The following MISP3 variants were observed in gnomAD, a reference collection of about 807,000 sequenced individuals.
The protein encoded by MISP3 is MISP family member 3.
In MISP3, 9 loss-of-function variants were observed where a neutral mutation model predicts 5.5. The ratio of observed to expected loss-of-function variants is 1.65; its 90% CI spans 0.99 to 2.87. MISP3 has a LOEUF of 2.87. MISP3 is among the 30% of genes most tolerant of loss of function. The probability of loss-of-function intolerance (pLI) is 0.00; values close to 1 mark genes in which losing one functional copy is unlikely to be tolerated. For synonymous variants in MISP3, 87 were observed against 38.1 expected (o/e 2.28, Z -4.73); for missense variants, 152 against 84.1 (o/e 1.81, Z -3.16).
In MISP3 at chr19:14,074,505, C is replaced by T. The variant is rs1269673217; in HGVS notation, c.642+42C>T. The T allele has an allele frequency of 4.3e-6, 3 of 690,054 alleles. No homozygotes were observed. In the South Asian group the frequency reaches 4.5e-5, roughly 10 times the overall value. 42.7% of individuals were successfully genotyped at this position (690,054 alleles called of 1,614,324 possible). ...CCGTGTGCCTCTAGCGCTTGTCGGT[C>T]CCCCCACCCCTCCGGTGCCAGGACG... On this transcript the variant is annotated intron_variant, in intron 2 of 2. Transcript: ENST00000587086. This position sits in a 1 kb window ranked among gnomAD's most constrained non-coding sequence, Gnocchi z 4.4.
rs1976659347 is a variant in MISP3 at position 14,074,638 on chromosome 19, C to A, written c.643-68C>A. On this transcript the variant is annotated intron_variant, in intron 2 of 2. Coordinates refer to ENST00000587086, the MANE Select transcript of MISP3 (RefSeq NM_001291291.2). The surrounding 1 kb of genome is among the most constrained non-coding windows in gnomAD (Gnocchi z 4.4). ...GACGGTGGTCTTGAGGCCCAAACCGCCACCCCGAGCCTGGATGCAGTGCGC... is the reference window on the plus strand; with the variant it reads ...GACGGTGGTCTTGAGGCCCAAACCGACACCCCGAGCCTGGATGCAGTGCGC... The A allele has an allele frequency of 1.4e-6, 1 of 695,490 alleles. No individual in the cohort carries two copies. The highest frequency in any genetic ancestry group is 1.7e-5 in the African/African-American group (1 of 57,200). 43.1% of individuals were successfully genotyped at this position (695,490 alleles called of 1,614,324 possible).
chr19:14,074,502 G>C lies in MISP3; in HGVS notation c.642+39G>C. The C allele has an allele frequency of 1.4e-6, 1 of 694,310 alleles. No homozygotes were observed. Among genetic ancestry groups the C allele is most frequent in the Non-Finnish European group, 2.6e-6 (1 of 379,882 alleles). 43.0% of individuals were successfully genotyped at this position (694,310 alleles called of 1,614,324 possible). A position where few individuals can be genotyped will look rare whatever the true frequency, so the allele number is the denominator to read the frequency against. ...TACCCGTGTGCCTCTAGCGCTTGTC[G>C]GTCCCCCCACCCCTCCGGTGCCAGG... On this transcript the variant is annotated intron_variant, in intron 2 of 2. Transcript: ENST00000587086. This position sits in a 1 kb window ranked among gnomAD's most constrained non-coding sequence, Gnocchi z 4.4.
chr19:14,073,995 T>C lies in MISP3; in HGVS notation c.568+118T>C. 1 of 620,720 alleles carries C rather than the reference T, an allele frequency of 1.6e-6. No homozygotes were observed. Among genetic ancestry groups the C allele is most frequent in the South Asian group, 1.8e-5 (1 of 55,770 alleles). 38.5% of individuals were successfully genotyped at this position (620,720 alleles called of 1,614,324 possible). A position where few individuals can be genotyped will look rare whatever the true frequency, so the allele number is the denominator to read the frequency against. On this transcript the variant is annotated intron_variant, in intron 1 of 2. Coordinates refer to ENST00000587086, the MANE Select transcript of MISP3 (RefSeq NM_001291291.2). The surrounding 1 kb of genome is among the most constrained non-coding windows in gnomAD (Gnocchi z 8.5). ...ATTCTCGGGGTCTCTCCCTCCAAGC[T>C]CCCAGACCCCCTCTCAATTTTGTCT...
Position 14,074,796 on chromosome 19 carries a change from A to G in MISP3, c.*73A>G. On this transcript the variant is annotated 3_prime_UTR_variant, in exon 3 of 3. Coordinates refer to ENST00000587086, the MANE Select transcript of MISP3 (RefSeq NM_001291291.2). The surrounding 1 kb of genome is among the most constrained non-coding windows in gnomAD (Gnocchi z 4.4). ...AGGAACAGGGCGGGGGGCGTCTAGC[A>G]TTAGGCCTGGAGAAGGGTCGGCTCT... 1 of 687,478 alleles carries G rather than the reference A, an allele frequency of 1.5e-6. No individual in the cohort carries two copies. Among genetic ancestry groups the G allele is most frequent in the Non-Finnish European group, 2.7e-6 (1 of 372,016 alleles). 42.6% of individuals were successfully genotyped at this position (687,478 alleles called of 1,614,324 possible).
chr19:14,073,980 T>G lies in MISP3; in HGVS notation c.568+103T>G, dbSNP rs1599317583. The G allele has an allele frequency of 1.6e-6, 1 of 638,926 alleles. No individual in the cohort carries two copies. The highest frequency in any genetic ancestry group is 2.8e-5 in the East Asian group (1 of 35,718). The allele number at this position is 638,926 out of a possible 1,614,324, so 39.6% of individuals were successfully genotyped here. ...TCCTGTGGCCCTCCGATTCTCGGGG[T>G]CTCTCCCTCCAAGCTCCCAGACCCC... is the stretch of plus-strand genomic sequence containing the variant. On this transcript the variant is annotated intron_variant, in intron 1 of 2. Coordinates refer to ENST00000587086, the MANE Select transcript of MISP3 (RefSeq NM_001291291.2). The surrounding 1 kb of genome is among the most constrained non-coding windows in gnomAD (Gnocchi z 8.5).
chr19:14,073,556 G>C lies in MISP3; in HGVS notation c.247G>C (p.Ala83Pro), dbSNP rs1976626182. 1 of 246,396 alleles carries C rather than the reference G, an allele frequency of 4.1e-6. No individual in the cohort carries two copies. The highest frequency in any genetic ancestry group is 1.5e-4 in the South Asian group (1 of 6,546). The allele number at this position is 246,396 out of a possible 1,614,324, so 15.3% of individuals were successfully genotyped here. A position where few individuals can be genotyped will look rare whatever the true frequency, so the allele number is the denominator to read the frequency against. The change falls in exon 1 of 3, where the codon GCG becomes CCG. Residue 83 changes from alanine to proline, a missense_variant. Physicochemically the swap from Ala to Pro is conservative, Grantham distance 27 (BLOSUM62 -1). Transcript: ENST00000587086. This position sits in a 1 kb window ranked among gnomAD's most constrained non-coding sequence, Gnocchi z 8.5. ...CCGGCAGGCGGCGCTGGCGCGCCCC[G>C]CGGTCCCCGAGCCGCGCGCCCGGTC... ...AHRQAALARPAVPEPRARSPP... is the reference protein window; with the variant it reads ...AHRQAALARPPVPEPRARSPP...
Position 14,074,911 on chromosome 19 carries a change from A to T in MISP3, c.*188A>T, listed in dbSNP as rs1599318138. ...ACAGTCCCCCATTGGGAAACTGACC[A>T]CCACCCACAACTCCGCCAGTGAAAC... On this transcript the variant is annotated 3_prime_UTR_variant, in exon 3 of 3. Coordinates refer to ENST00000587086, the MANE Select transcript of MISP3 (RefSeq NM_001291291.2). This position sits in a 1 kb window ranked among gnomAD's most constrained non-coding sequence, Gnocchi z 4.4. 1 of 593,868 alleles carries T rather than the reference A, an allele frequency of 1.7e-6. No individual in the cohort carries two copies. Among genetic ancestry groups the T allele is most frequent in the African/African-American group, 1.8e-5 (1 of 54,274 alleles). 36.8% of individuals were successfully genotyped at this position (593,868 alleles called of 1,614,324 possible).
rs1365081692 is a variant in MISP3 at position 14,073,390 on chromosome 19, G to A, written c.81G>A (p.Pro27=). The change falls in exon 1 of 3, where the codon CCG becomes CCA. Residue 27 remains proline (P), a synonymous_variant. Coordinates refer to ENST00000587086, the MANE Select transcript of MISP3 (RefSeq NM_001291291.2). This position sits in a 1 kb window ranked among gnomAD's most constrained non-coding sequence, Gnocchi z 8.5. ...TGCGCCGGAGCCGGGGCCTGAGCCC[G>A]GGCCGCGCAGGCCGTGAACTCGTCG... ...ESLRRSRGLS[P]GRAGRELVEL... is the part of the protein sequence containing the mutation. 8.7e-6 allele frequency: 6 copies of A among 693,100 alleles called. No individual in the cohort carries two copies. The highest frequency in any genetic ancestry group is 4.5e-5 in the South Asian group (3 of 67,314). 42.9% of individuals were successfully genotyped at this position (693,100 alleles called of 1,614,324 possible). A position where few individuals can be genotyped will look rare whatever the true frequency, so the allele number is the denominator to read the frequency against.
At position 14,074,440 on chromosome 19, in the gene MISP3, G is replaced by T. The variant is rs572407856; in HGVS notation, c.619G>T (p.Val207Phe). Reference protein sequence around the residue: ...LVVIWPPRRKVSENGLEQEER... With the variant: ...LVVIWPPRRKFSENGLEQEER... ...GGTGATCTGGCCCCCCCGCAGAAAG[G>T]TCTCGGAGAACGGCCTGGAGCAGGT... The change falls in exon 2 of 3, where the codon GTC becomes TTC. Residue 207 changes from valine to phenylalanine, a missense_variant. Coordinates refer to ENST00000587086, the MANE Select transcript of MISP3 (RefSeq NM_001291291.2). The surrounding 1 kb of genome is among the most constrained non-coding windows in gnomAD (Gnocchi z 4.4). 4 of 702,840 alleles carry T rather than the reference G, an allele frequency of 5.7e-6. No homozygotes were observed. In the South Asian group the frequency reaches 5.9e-5, roughly 10 times the overall value. 43.5% of individuals were successfully genotyped at this position (702,840 alleles called of 1,614,324 possible).
rs1419304851 is a variant in MISP3, at chr19:14,072,961, AGT to A, written c.-348_-347del. On this transcript the variant is annotated 5_prime_UTR_variant, in exon 1 of 3. Coordinates refer to ENST00000587086, the MANE Select transcript of MISP3 (RefSeq NM_001291291.2). The surrounding 1 kb of genome is among the most constrained non-coding windows in gnomAD (Gnocchi z 6.8). ...GGGTCGTCTGAAGAGGAGGGCCAGG[AGT>A]CCCCAGGGCCAGACAGCGAAGCCCC... 1 of 473,442 alleles carries A rather than the reference AGT, an allele frequency of 2.1e-6. No individual in the cohort carries two copies. The highest frequency in any genetic ancestry group is 2.3e-5 in the Admixed American group (1 of 42,986). 29.3% of individuals were successfully genotyped at this position (473,442 alleles called of 1,614,324 possible). A position where few individuals can be genotyped will look rare whatever the true frequency, so the allele number is the denominator to read the frequency against.
At position 14,074,930 on chromosome 19, in the gene MISP3, G is replaced by C. The variant is rs1976667512; in HGVS notation, c.*207G>C. The stretch of plus-strand genomic sequence containing the variant: ...CTGACCACCACCCACAACTCCGCCA[G>C]TGAAACTGCCCAGCCCTTCTCTGCC... On this transcript the variant is annotated 3_prime_UTR_variant, in exon 3 of 3. Coordinates refer to ENST00000587086, the MANE Select transcript of MISP3 (RefSeq NM_001291291.2). This position sits in a 1 kb window ranked among gnomAD's most constrained non-coding sequence, Gnocchi z 4.4. 1.7e-6 allele frequency: 1 copy of C among 591,078 alleles called. No homozygotes were observed. Among genetic ancestry groups the C allele is most frequent in the East Asian group, 2.8e-5 (1 of 35,506 alleles). 36.6% of individuals were successfully genotyped at this position (591,078 alleles called of 1,614,324 possible).
rs1568514822 is a variant in MISP3, at chr19:14,073,386, GC to G, written c.80del (p.Pro27ArgfsTer173). ...AGCCTGCGCCGGAGCCGGGGCCTGA[GC>G]CCGGGCCGCGCAGGCCGTGAACTCG... ...EESLRRSRGL[S>X]PGRAGRELVE... On this transcript the variant is annotated frameshift_variant, in exon 1 of 3. Transcript: ENST00000587086. LOFTEE classifies it high-confidence loss of function. The surrounding 1 kb of genome is among the most constrained non-coding windows in gnomAD (Gnocchi z 8.5). 6 of 694,336 alleles carry G rather than the reference GC, an allele frequency of 8.6e-6. 1 individual carries two copies. The South Asian group carries it at 8.9e-5, about 10-fold the overall frequency. The allele number at this position is 694,336 out of a possible 1,614,324, so 43.0% of individuals were successfully genotyped here.
chr19:14,072,798 C>T lies in MISP3; in HGVS notation c.-512C>T. The T allele has an allele frequency of 2.8e-6, 1 of 358,264 alleles. No individual in the cohort carries two copies. The highest frequency in any genetic ancestry group is 5.5e-6 in the Non-Finnish European group (1 of 182,050). 22.2% of individuals were successfully genotyped at this position (358,264 alleles called of 1,614,324 possible). A position where few individuals can be genotyped will look rare whatever the true frequency, so the allele number is the denominator to read the frequency against. On this transcript the variant is annotated 5_prime_UTR_variant, in exon 1 of 3. Coordinates refer to ENST00000587086, the MANE Select transcript of MISP3 (RefSeq NM_001291291.2). The surrounding 1 kb of genome is among the most constrained non-coding windows in gnomAD (Gnocchi z 6.8). ...CGGGCGACGCCTTGGAACCCACGGC[C>T]GCCACTGCCGCCACAGGTGCCTCAC...
Position 14,072,795 on chromosome 19 carries a change from G to A in MISP3, c.-515G>A, listed in dbSNP as rs1568514522. 6.1e-6 allele frequency: 2 copies of A among 328,758 alleles called. No homozygotes were observed. Among genetic ancestry groups the A allele is most frequent in the Non-Finnish European group, 1.1e-5 (2 of 178,302 alleles). 20.4% of individuals were successfully genotyped at this position (328,758 alleles called of 1,614,324 possible). On this transcript the variant is annotated 5_prime_UTR_variant, in exon 1 of 3. Transcript: ENST00000587086. This position sits in a 1 kb window ranked among gnomAD's most constrained non-coding sequence, Gnocchi z 6.8. ...GTGCGGGCGACGCCTTGGAACCCAC[G>A]GCCGCCACTGCCGCCACAGGTGCCT...
In MISP3 at chr19:14,074,358, A is replaced by G. The variant is rs1336287906; in HGVS notation, c.569-32A>G. The G allele has an allele frequency of 1.4e-6, 1 of 701,596 alleles. No homozygotes were observed. Among genetic ancestry groups the G allele is most frequent in the Admixed American group, 2.0e-5 (1 of 49,772 alleles). 43.5% of individuals were successfully genotyped at this position (701,596 alleles called of 1,614,324 possible). A position where few individuals can be genotyped will look rare whatever the true frequency, so the allele number is the denominator to read the frequency against. On this transcript the variant is annotated intron_variant, in intron 1 of 2. Coordinates refer to ENST00000587086, the MANE Select transcript of MISP3 (RefSeq NM_001291291.2). The surrounding 1 kb of genome is among the most constrained non-coding windows in gnomAD (Gnocchi z 4.4). ...CCGGCCTTTCATCCTGGCTGCCGCC[A>G]GCTGGTGAGCTGAGCGCCCCTTCCC...
Position 14,073,276 on chromosome 19 carries a change from C to G in MISP3, c.-34C>G, listed in dbSNP as rs538100691. On this transcript the variant is annotated 5_prime_UTR_variant, in exon 1 of 3. Transcript: ENST00000587086. This position sits in a 1 kb window ranked among gnomAD's most constrained non-coding sequence, Gnocchi z 8.5. ...CCCACCTGCGTTTTCCGCCGTGCCC[C>G]GAGGCTCCCCAGCGTCCCCCGGAGG... The G allele has an allele frequency of 1.4e-6, 1 of 691,098 alleles. No individual in the cohort carries two copies. The allele number at this position is 691,098 out of a possible 1,614,324, so 42.8% of individuals were successfully genotyped here. A position where few individuals can be genotyped will look rare whatever the true frequency, so the allele number is the denominator to read the frequency against.
rs572316093 is a variant in MISP3 at position 14,073,577 on chromosome 19, C to T, written c.268C>T (p.Arg90Trp). ...CCCCGCGGTCCCCGAGCCGCGCGCCCGGTCGCCGCCGCAGCCGCTGGGCGA... is the reference window on the plus strand; with the variant it reads ...CCCCGCGGTCCCCGAGCCGCGCGCCTGGTCGCCGCCGCAGCCGCTGGGCGA... The part of the protein sequence containing the change: ...ARPAVPEPRA[R>W]SPPQPLGELK... Residue 90 changes from arginine (R) to tryptophan (W), a missense_variant, in exon 1 of 3, where the codon CGG (arginine) becomes TGG (tryptophan). Transcript: ENST00000587086. The surrounding 1 kb of genome is among the most constrained non-coding windows in gnomAD (Gnocchi z 8.5). 1.5e-5 allele frequency: 4 copies of T among 264,652 alleles called. No individual in the cohort carries two copies. The highest frequency in any genetic ancestry group is 2.3e-5 in the African/African-American group (1 of 44,048). 16.4% of individuals were successfully genotyped at this position (264,652 alleles called of 1,614,324 possible). A position where few individuals can be genotyped will look rare whatever the true frequency, so the allele number is the denominator to read the frequency against.
Position 14,074,740 on chromosome 19 carries a change from G to A in MISP3, c.*17G>A, listed in dbSNP as rs1402544972. 5.7e-6 allele frequency: 4 copies of A among 701,918 alleles called. No homozygotes were observed. Among genetic ancestry groups the A allele is most frequent in the Non-Finnish European group, 1.0e-5 (4 of 384,108 alleles). 43.5% of individuals were successfully genotyped at this position (701,918 alleles called of 1,614,324 possible). A position where few individuals can be genotyped will look rare whatever the true frequency, so the allele number is the denominator to read the frequency against. On this transcript the variant is annotated 3_prime_UTR_variant, in exon 3 of 3. Coordinates refer to ENST00000587086, the MANE Select transcript of MISP3 (RefSeq NM_001291291.2). This position sits in a 1 kb window ranked among gnomAD's most constrained non-coding sequence, Gnocchi z 4.4. ...AAACCTTGAGGTTTGAAAAGGCTGGGACCCCCGGCCGGAAGTAACGTACGC... is the reference window on the plus strand; with the variant it reads ...AAACCTTGAGGTTTGAAAAGGCTGGAACCCCCGGCCGGAAGTAACGTACGC...
rs1976642191 is a variant in MISP3, at chr19:14,073,941, A to G, written c.568+64A>G. ...TCCAGCCGCCCCCACCGATTGCCCA[A>G]CTTCAGTGGCCCCTCCTGTGGCCCT... On this transcript the variant is annotated intron_variant, in intron 1 of 2. Coordinates refer to ENST00000587086, the MANE Select transcript of MISP3 (RefSeq NM_001291291.2). The surrounding 1 kb of genome is among the most constrained non-coding windows in gnomAD (Gnocchi z 8.5). 1.5e-6 allele frequency: 1 copy of G among 679,790 alleles called. No homozygotes were observed. The highest frequency in any genetic ancestry group is 1.5e-5 in the South Asian group (1 of 65,670). 42.1% of individuals were successfully genotyped at this position (679,790 alleles called of 1,614,324 possible).
Sources: gnomAD v4.1 joint callset for allele counts on GRCh38, gnomAD v4.1.1 for gene constraint, Gnocchi (gnomAD v3.1) non-coding constraint, MANE v1.5 for transcripts, NCBI Gene and HGNC (gene_info 2026-07-23, HGNC 2026-07-21) for gene names.